The following TMTC2 variants were observed in gnomAD, a reference collection of about 807,000 sequenced individuals.
TMTC2 encodes protein O-mannosyl-transferase TMTC2.
A neutral mutation model predicts 82.4 loss-of-function variants in TMTC2; 43 were observed. That is an observed-to-expected ratio of 0.52 (90% CI 0.41 to 0.67). The LOEUF (loss-of-function observed/expected upper bound fraction) is 0.67, where lower values mean the gene tolerates loss of function less well. TMTC2 is among the 30% of genes least tolerant of loss of function. TMTC2 has a pLI of 0.00. For synonymous variants in TMTC2, 408 were observed against 381.9 expected (o/e 1.07, Z -0.80); for missense variants, 919 against 1,012.4 (o/e 0.91, Z 1.25).
intron 1 of TMTC2, among the ~76,000 whole-genome samples, chr12:82,816,964 C>CT (rs1459482074): frequency 6.8e-6 from 1 of 146,280 alleles, no homozygotes; most frequent in Non-Finnish European, 1.5e-5. Flanking sequence ...ATTTTTCTTT[C>CT]TTTGTTTTTT....
chr12:82,966,440 A>C (rs980582747), intron 6 of TMTC2, among the ~76,000 whole-genome samples: 1 of 152,072 alleles, frequency 6.6e-6, no homozygotes, highest in African/African-American at 2.4e-5. Flanking sequence ...TATTAAAACT[A>C]TACTATAAGG....
intron 3 of TMTC2, among the ~76,000 whole-genome samples, chr12:82,911,030 G>A (rs905664824): frequency 2.6e-5 from 4 of 151,910 alleles, no homozygotes; most frequent in Admixed American, 2.0e-4. Flanking sequence ...ACAGGCGTCC[G>A]CCACCATGCC....
chr12:82,707,766 A>G (rs567426050), intron 1 of TMTC2, among the ~76,000 whole-genome samples: 20 of 152,340 alleles, frequency 1.3e-4, no homozygotes, highest in African/African-American at 4.3e-4. Flanking sequence ...TGTTAGGAGG[A>G]AGGGCAAGGT....
intron 9 of TMTC2, among the ~76,000 whole-genome samples, chr12:83,045,450 C>T (rs541361689): frequency 6.6e-6 from 1 of 152,022 alleles, no homozygotes; most frequent in African/African-American, 2.4e-5. Context: ...ACTCAGTTAT[C>T]AAATCATAGA....
At chr12:82,742,109 C>A (rs987976821) in intron 1 of TMTC2, among the ~76,000 whole-genome samples, 11 of 152,150 alleles carry the variant, frequency 7.2e-5, no homozygotes, top group Admixed American at 2.6e-4. Flanking sequence ...GGATAGTTGT[C>A]AGTGCCCTAA....
At chr12:83,071,945 T>C (rs548562914) in intron 11 of TMTC2, among the ~76,000 whole-genome samples, 1 of 152,332 alleles carries the variant, frequency 6.6e-6, no homozygotes, top group Non-Finnish European at 1.5e-5. Flanking sequence ...TATTTATCTT[T>C]TCAAAGAACC....
rs1225231229 is a variant in TMTC2, at chr12:82,899,728, T to A, written c.1483+3082T>A. On this transcript the variant is annotated intron_variant, in intron 3 of 11. Coordinates refer to ENST00000321196, the MANE Select transcript of TMTC2 (RefSeq NM_152588.3). Reference sequence around the variant, plus strand: ...TATATGTGGAATATATATATAAGAATATATATATGTGGAATATATATATAT... The same window carrying A: ...TATATGTGGAATATATATATAAGAAAATATATATGTGGAATATATATATAT... 5.7e-5 allele frequency among the ~76,000 whole-genome samples: 7 copies of A among 121,768 alleles called. No homozygotes were observed. The East Asian group carries it at 7.2e-4, about 13-fold the overall frequency. The allele number at this position is 121,768 out of a possible 152,430, so 79.9% of individuals were successfully genotyped here.
chr12:82,937,908 C>A (rs1276790933), intron 4 of TMTC2, among the ~76,000 whole-genome samples: 3 of 36,620 alleles, frequency 8.2e-5, no homozygotes, highest in African/African-American at 1.8e-4. Flanking sequence ...AGATTCAAAC[C>A]TTTTTTTTTT....
intron 4 of TMTC2, among the ~76,000 whole-genome samples, chr12:82,963,462 AT>A (rs928990667): frequency 8.7e-5 from 13 of 149,354 alleles, no homozygotes; most frequent in African/African-American, 2.2e-4. Context: ...CTTTATCTGA[AT>A]TTTTTTTTTC....
At chr12:82,895,796 C>T (rs1452764408) in intron 2 of TMTC2, 22 bp from the exon 3 acceptor site, 9 of 1,570,898 alleles carry the variant, frequency 5.7e-6, no homozygotes, top group South Asian at 1.2e-5. Flanking sequence ...CTTAATTTTT[C>T]CCTTCTCTCT....
intron 1 of TMTC2, among the ~76,000 whole-genome samples, chr12:82,826,753 T>C (rs1334584519): frequency 1.3e-5 from 2 of 152,222 alleles, no homozygotes; most frequent in Non-Finnish European, 2.9e-5. Context: ...GACATGAGTA[T>C]GTAGCAGTCA....
rs57604518 is a variant in TMTC2, at chr12:83,032,257, TTATATATATA to T, written c.2152+1407_2152+1416del. Among the ~76,000 whole-genome samples the T allele has an allele frequency of 7.6e-3, 989 of 130,810 alleles. 17 individuals are homozygous for T. The highest frequency in any genetic ancestry group is 0.027 in the African/African-American group (930 of 34,022). The allele number at this position is 130,810 out of a possible 152,430, so 85.8% of individuals were successfully genotyped here. A position where few individuals can be genotyped will look rare whatever the true frequency, so the allele number is the denominator to read the frequency against. On this transcript the variant is annotated intron_variant, in intron 9 of 11. Coordinates refer to ENST00000321196, the MANE Select transcript of TMTC2 (RefSeq NM_152588.3). ...TTCCTATAATATTATAGAGAATATT[TTATATATATA>T]TATATATATATATATATATATATAT...
chr12:83,027,452 A>T (rs1216360220), intron 8 of TMTC2, among the ~76,000 whole-genome samples: 2 of 152,134 alleles, frequency 1.3e-5, no homozygotes, highest in East Asian at 1.9e-4. Flanking sequence ...AAGCAAAAGG[A>T]TGTACAGCAG....
chr12:82,963,650 A>G (rs1034277727), intron 4 of TMTC2, among the ~76,000 whole-genome samples: 51 of 150,288 alleles, frequency 3.4e-4, no homozygotes, highest in Non-Finnish European at 5.9e-4. Flanking sequence ...AATTTTACCC[A>G]TGTTTGAATA....
At chr12:82,731,599 A>G (rs1479875806) in intron 1 of TMTC2, among the ~76,000 whole-genome samples, 1 of 152,244 alleles carries the variant, frequency 6.6e-6, no homozygotes, top group Non-Finnish European at 1.5e-5. Context: ...TAGTTTACTT[A>G]TCAATTTATT....
At chr12:82,689,917 A>G (rs781020088) in intron 1 of TMTC2, among the ~76,000 whole-genome samples, 6 of 152,264 alleles carry the variant, frequency 3.9e-5, no homozygotes, top group East Asian at 3.8e-4. Context: ...CTTTGCTACA[A>G]TTTGAAAAGT....
intron 1 of TMTC2, among the ~76,000 whole-genome samples, chr12:82,843,961 A>G (rs1489423054): frequency 1.3e-5 from 2 of 152,154 alleles, no homozygotes; most frequent in Non-Finnish European, 2.9e-5. Context: ...AGGACAAAAA[A>G]GTTGATTTGG....
intron 4 of TMTC2, among the ~76,000 whole-genome samples, chr12:82,962,830 A>G (rs780830334): frequency 2.6e-5 from 4 of 152,014 alleles, no homozygotes; most frequent in Non-Finnish European, 5.9e-5. Flanking sequence ...ATTCCTAGAG[A>G]CAAGTACAAA....
intron 1 of TMTC2, among the ~76,000 whole-genome samples, chr12:82,803,357 TAATCAGGTG>T (rs1879098519): frequency 6.6e-6 from 1 of 152,102 alleles, no homozygotes; most frequent in Non-Finnish European, 1.5e-5. Flanking sequence ...TATCAGGCGA[TAATCAGGTG>T]ATGGTTCAGC....
Sources: allele counts gnomAD v4.1 joint callset (sites outside exome capture counted in the v4.1 genomes callset), GRCh38; gene constraint gnomAD v4.1.1; transcripts MANE v1.5; gene names NCBI Gene and HGNC (gene_info 2026-07-23, HGNC 2026-07-21).